Variants in ATXN7L1 observed in about 807,000 individuals in gnomAD.
ATXN7L1 encodes ataxin 7 like 1, also known as ataxin-7-like protein 1.
Under a neutral mutation model 70.8 loss-of-function variants are expected in ATXN7L1, and 15 were observed. The ratio of observed to expected loss-of-function variants is 0.21; its 90% confidence interval spans 0.14 to 0.33. The LOEUF is 0.33. Ranked by LOEUF, ATXN7L1 falls within the 10% of genes least tolerant of loss-of-function variation. The pLI is 1.00. For missense variants in ATXN7L1, 975 were observed against 1,097.1 expected (o/e 0.89, Z 1.57); for synonymous variants, 440 against 445.1 (o/e 0.99, Z 0.14).
rs191417128 is a variant in ATXN7L1 at position 105,769,690 on chromosome 7, G to C, written c.355+18914C>G. Among the ~76,000 whole-genome samples the C allele has an allele frequency of 7.2e-5, 11 of 152,230 alleles. No homozygotes were observed. The East Asian group carries it at 2.1e-3, about 29-fold the overall frequency. On this transcript the variant is annotated intron_variant, in intron 3 of 11. Transcript: ENST00000419735. ...CCACTTTGCTTCCTCCCAGTCAGCA[G>C]GGCATACAGTATCTGAAGAGAAGAC...
rs537332306 is a variant in ATXN7L1 at position 105,674,658 on chromosome 7, A to C, written c.356-9370T>G. ...CTTTCCCTCCACGCTTTAGAAATGC[A>C]ACTGGGATGATTCTTACAAGGGCAT... On this transcript the variant is annotated intron_variant, in intron 3 of 11. Coordinates refer to ENST00000419735, the MANE Select transcript of ATXN7L1 (RefSeq NM_020725.2). Among the ~76,000 whole-genome samples the C allele has an allele frequency of 2.0e-5, 3 of 152,304 alleles. No homozygotes were observed. The South Asian group carries it at 6.2e-4, about 32-fold the overall frequency.
chr7:105,700,258 C>T (rs1030259247), intron 3 of ATXN7L1, among the ~76,000 whole-genome samples: 5 of 152,140 alleles, frequency 3.3e-5, no homozygotes, highest in African/African-American at 1.2e-4. Flanking sequence ...GTAATCCCAA[C>T]ACTTTGGGAG....
At chr7:105,762,149 T>C (rs1369864377) in intron 3 of ATXN7L1, among the ~76,000 whole-genome samples, 1 of 152,236 alleles carries the variant, frequency 6.6e-6, no homozygotes, top group Non-Finnish European at 1.5e-5. Flanking sequence ...AGGACTGAGC[T>C]ATCATCCTAA....
At chr7:105,785,432 C>T (rs1248436863) in intron 3 of ATXN7L1, among the ~76,000 whole-genome samples, 1 of 152,026 alleles carries the variant, frequency 6.6e-6, no homozygotes, top group Non-Finnish European at 1.5e-5. Context: ...TACCACTGCA[C>T]TACAGTCTGG....
At chr7:105,722,448 G>C (rs942096901) in intron 3 of ATXN7L1, among the ~76,000 whole-genome samples, 3 of 151,586 alleles carry the variant, frequency 2.0e-5, no homozygotes, top group African/African-American at 4.9e-5. Flanking sequence ...TATAGTTCCA[G>C]CTACTCAAAA....
chr7:105,735,702 A>C (rs1797296810), intron 3 of ATXN7L1, among the ~76,000 whole-genome samples: 3 of 152,096 alleles, frequency 2.0e-5, no homozygotes, highest in Admixed American at 6.5e-5. Context: ...CAAACACCAG[A>C]CATTAGACCA....
chr7:105,854,309 C>G (rs796864972), intron 2 of ATXN7L1, among the ~76,000 whole-genome samples: 32 of 152,180 alleles, frequency 2.1e-4, no homozygotes, highest in African/African-American at 7.7e-4. Flanking sequence ...CCTCTCCTCC[C>G]GCTAGTGGCC....
chr7:105,681,743 C>A (rs573114376), intron 3 of ATXN7L1, among the ~76,000 whole-genome samples: 1 of 152,272 alleles, frequency 6.6e-6, no homozygotes, highest in Non-Finnish European at 1.5e-5. Flanking sequence ...CCTGGACAAA[C>A]TTTGGGGACA....
At chr7:105,769,597 G>T (rs1189782947) in intron 3 of ATXN7L1, among the ~76,000 whole-genome samples, 1 of 152,136 alleles carries the variant, frequency 6.6e-6, no homozygotes, top group African/African-American at 2.4e-5. Flanking sequence ...AGGGTGACCG[G>T]CTGACTCAGG....
chr7:105,753,942 A>G (rs1373710855), intron 3 of ATXN7L1, among the ~76,000 whole-genome samples: 1 of 152,064 alleles, frequency 6.6e-6, no homozygotes, highest in Non-Finnish European at 1.5e-5. Context: ...GTAAGGATCC[A>G]AAGTTCTGAG....
At chr7:105,717,558 A>T (rs1199506483) in intron 3 of ATXN7L1, among the ~76,000 whole-genome samples, 1 of 152,140 alleles carries the variant, frequency 6.6e-6, no homozygotes. Context: ...GCTTGTACGC[A>T]ATTTGATTTA....
intron 2 of ATXN7L1, among the ~76,000 whole-genome samples, chr7:105,873,974 A>C (rs192669301): frequency 6.6e-6 from 1 of 152,062 alleles, no homozygotes; most frequent in Admixed American, 6.6e-5. Context: ...AAAATACAAA[A>C]ATTAACTGGG....
At chr7:105,763,282 C>T (rs1187784507) in intron 3 of ATXN7L1, among the ~76,000 whole-genome samples, 1 of 152,128 alleles carries the variant, frequency 6.6e-6, no homozygotes, top group Non-Finnish European at 1.5e-5. Context: ...TCCCTGTTGC[C>T]CCCTCCACTG....
intron 2 of ATXN7L1, among the ~76,000 whole-genome samples, chr7:105,870,413 G>T (rs1458039366): frequency 6.6e-6 from 1 of 151,930 alleles, no homozygotes; most frequent in African/African-American, 2.4e-5. Context: ...TTTCATCACA[G>T]ATTAGTTTAA....
In ATXN7L1 at chr7:105,607,579, A is replaced by C. The variant is rs1022636732; in HGVS notation, c.*273T>G. ...ATCAGGAGCTAGGGGAGTGACCCCA[A>C]ATTTGGAAGAATGTAAAAACATGGC... On this transcript the variant is annotated 3_prime_UTR_variant, in exon 12 of 12. Transcript: ENST00000419735. 5.4e-5 allele frequency: 27 copies of C among 502,012 alleles called. No homozygotes were observed. The East Asian group carries it at 7.3e-4, about 14-fold the overall frequency. The allele number at this position is 502,012 out of a possible 1,614,324, so 31.1% of individuals were successfully genotyped here. A position where few individuals can be genotyped will look rare whatever the true frequency, so the allele number is the denominator to read the frequency against.
chr7:105,860,488 C>T lies in ATXN7L1; in HGVS notation c.250+15324G>A, dbSNP rs567531703. On this transcript the variant is annotated intron_variant, in intron 2 of 11. Coordinates refer to ENST00000419735, the MANE Select transcript of ATXN7L1 (RefSeq NM_020725.2). ...CCACTTGAACAGAAACTTTAGGAGTCCTTCCAGTTCTTAGAATCTTGACAA... is the reference window on the plus strand; with the variant it reads ...CCACTTGAACAGAAACTTTAGGAGTTCTTCCAGTTCTTAGAATCTTGACAA... Among the ~76,000 whole-genome samples the T allele has an allele frequency of 1.4e-4, 22 of 152,202 alleles. No homozygotes were observed. In the South Asian group the frequency reaches 4.4e-3, roughly 30 times the overall value.
At position 105,672,288 on chromosome 7, in the gene ATXN7L1, G is replaced by GC. The variant is rs749470739; in HGVS notation, c.356-7001dup. ...GCGACAGAGTGAGACTCCGTCCCCTGCCCCCCCCAAAAAAGAGAGGCACTA... is the reference window on the plus strand; with the variant it reads ...GCGACAGAGTGAGACTCCGTCCCCTGCCCCCCCCCAAAAAAGAGAGGCACTA... On this transcript the variant is annotated intron_variant, in intron 3 of 11. Transcript: ENST00000419735. Among the ~76,000 whole-genome samples, 527 of 151,222 alleles carry GC rather than the reference G, an allele frequency of 3.5e-3. 3 individuals carry two copies. The highest frequency in any genetic ancestry group is 0.012 in the African/African-American group (475 of 41,270).
intron 4 of ATXN7L1, among the ~76,000 whole-genome samples, chr7:105,648,860 C>G (rs1418582149): frequency 6.9e-6 from 1 of 145,710 alleles, no homozygotes; most frequent in Non-Finnish European, 1.5e-5. Flanking sequence ...GGTTCTAACC[C>G]CTGCTTTCAC....
intron 4 of ATXN7L1, among the ~76,000 whole-genome samples, chr7:105,653,871 C>T (rs918974242): frequency 8.5e-5 from 13 of 152,102 alleles, no homozygotes; most frequent in Admixed American, 7.9e-4. Context: ...GTGTGCCCTC[C>T]CCCATTCTCC....
Sources: allele counts gnomAD v4.1 joint callset (sites outside exome capture counted in the v4.1 genomes callset), GRCh38; gene constraint gnomAD v4.1.1; transcripts MANE v1.5; gene names NCBI Gene and HGNC (gene_info 2026-07-23, HGNC 2026-07-21).